The following GLG1 variants were observed in gnomAD, a reference collection of about 807,000 sequenced individuals.
The protein encoded by GLG1 is Golgi apparatus protein 1.
In GLG1, 38 loss-of-function variants were observed where a neutral mutation model predicts 160.5. The observed-to-expected ratio is 0.24, with a 90% CI of 0.18 to 0.31. The LOEUF (loss-of-function observed/expected upper bound fraction) is 0.31, where lower values mean the gene tolerates loss of function less well. Ranked by LOEUF, GLG1 falls within the 10% of genes least tolerant of loss-of-function variation. GLG1 has a pLI of 1.00. For synonymous variants in GLG1, 644 were observed against 543.4 expected (o/e 1.19, Z -2.57); for missense variants, 1,373 against 1,505.2 (o/e 0.91, Z 1.45).
chr16:74,537,406 T>C (rs1295051982), intron 1 of GLG1, among the ~76,000 whole-genome samples: 1 of 151,802 alleles, frequency 6.6e-6, no homozygotes, highest in East Asian at 1.9e-4. Flanking sequence ...AAAAGAACCC[T>C]GCCACTTTTC....
rs947192548 is a variant in GLG1 at position 74,474,570 on chromosome 16, G to C, written c.2028C>G (p.Gly676=). ...DLVVECRDIV[G]NLTELESEDI... is the part of the protein sequence containing the mutation. ...CCTCTGATTCTAACTCAGTGAGGTTGCCAACTATATCTCTACACTCCACCA... is the reference window on the plus strand; with the variant it reads ...CCTCTGATTCTAACTCAGTGAGGTTCCCAACTATATCTCTACACTCCACCA... Residue 676 remains glycine (G), a synonymous_variant, in exon 13 of 26, where the codon GGC becomes GGG. Transcript: ENST00000422840. 6 of 1,556,192 alleles carry C rather than the reference G, an allele frequency of 3.9e-6. No homozygotes were observed. In the Admixed American group the frequency reaches 1.0e-4, roughly 26 times the overall value.
In GLG1 at chr16:74,547,014, G is replaced by C. The variant is rs567735085; in HGVS notation, c.439-14861C>G. Among the ~76,000 whole-genome samples the C allele has an allele frequency of 1.7e-4, 26 of 152,212 alleles. 1 individual carries two copies. In the South Asian group the frequency reaches 5.4e-3, roughly 32 times the overall value. On this transcript the variant is annotated intron_variant, in intron 1 of 25. Transcript: ENST00000422840. ...AAATAATTTACTCAACTGGTTGCTAGAACTGTCCCCGCTTCCAGAACAAAG... is the reference window on the plus strand; with the variant it reads ...AAATAATTTACTCAACTGGTTGCTACAACTGTCCCCGCTTCCAGAACAAAG...
intron 2 of GLG1, among the ~76,000 whole-genome samples, chr16:74,525,322 C>A (rs1210226313): frequency 6.6e-6 from 1 of 152,212 alleles, no homozygotes; most frequent in Non-Finnish European, 1.5e-5. Context: ...TACACCCATC[C>A]TTCCTAATGA....
At chr16:74,601,665 C>T (rs1243838742) in intron 1 of GLG1, among the ~76,000 whole-genome samples, 4 of 152,128 alleles carry the variant, frequency 2.6e-5, no homozygotes, top group South Asian at 2.1e-4. Context: ...AGCAGAAATT[C>T]GGTTTATGAT....
Position 74,504,698 on chromosome 16 carries a change from T to C in GLG1, c.559-952A>G, listed in dbSNP as rs369992805. On this transcript the variant is annotated intron_variant, in intron 3 of 25. Transcript: ENST00000422840. ...GCTGTGGTCTGGGACACATGTGGTC[T>C]GGGAAACATGTTTAAAATAATGTTC... 9.2e-5 allele frequency among the ~76,000 whole-genome samples: 14 copies of C among 152,292 alleles called. No homozygotes were observed. In the South Asian group the frequency reaches 2.9e-3, roughly 32 times the overall value.
intron 8 of GLG1, among the ~76,000 whole-genome samples, chr16:74,489,592 C>T (rs1013064682): frequency 2.6e-5 from 4 of 152,126 alleles, no homozygotes; most frequent in Admixed American, 6.5e-5. Context: ...GTCCCAGGAC[C>T]CACACTGGCA....
chr16:74,511,180 TAGA>T (rs2016791950), intron 2 of GLG1, among the ~76,000 whole-genome samples: 2 of 152,082 alleles, frequency 1.3e-5, no homozygotes, highest in African/African-American at 4.8e-5. Context: ...ATCTGCTTTT[TAGA>T]AGGACAGAGG....
chr16:74,588,151 A>G (rs1177866589), intron 1 of GLG1, among the ~76,000 whole-genome samples: 1 of 152,154 alleles, frequency 6.6e-6, no homozygotes, highest in African/African-American at 2.4e-5. Flanking sequence ...GACAATAGCA[A>G]TCAATTTAAC....
intron 8 of GLG1, among the ~76,000 whole-genome samples, chr16:74,489,672 G>A (rs375674168): frequency 5.9e-5 from 9 of 152,116 alleles, no homozygotes; most frequent in Non-Finnish European, 1.2e-4. Flanking sequence ...AAATCAAACG[G>A]CAGATTCCAG....
chr16:74,502,038 G>T (rs9937559), intron 4 of GLG1, among the ~76,000 whole-genome samples: 143,727 of 152,284 alleles, frequency 0.94, 68,059 homozygotes, highest in East Asian at 1. Context: ...TCATTTGAAC[G>T]GTGTGCTCAG....
chr16:74,594,830 G>T (rs1414199698), intron 1 of GLG1, among the ~76,000 whole-genome samples: 1 of 152,064 alleles, frequency 6.6e-6, no homozygotes, highest in East Asian at 1.9e-4. Flanking sequence ...ACTTTGAAGG[G>T]GTAAATCCTC....
At chr16:74,482,349 C>A (rs541792539) in intron 10 of GLG1, among the ~76,000 whole-genome samples, 2 of 152,146 alleles carry the variant, frequency 1.3e-5, no homozygotes, top group African/African-American at 4.8e-5. Context: ...GCTTAACAAC[C>A]GAATGGAGAA....
chr16:74,521,609 G>C (rs939715593), intron 2 of GLG1, among the ~76,000 whole-genome samples: 1 of 152,122 alleles, frequency 6.6e-6, no homozygotes. Context: ...AGAAGGTTTA[G>C]GGGCAGAAAA....
chr16:74,562,063 C>T (rs1183423181), intron 1 of GLG1, among the ~76,000 whole-genome samples: 1 of 152,228 alleles, frequency 6.6e-6, no homozygotes, highest in Non-Finnish European at 1.5e-5. Context: ...TAAAAGCTTT[C>T]TCATGCAAGA....
At chr16:74,491,700 CGATCTCG>C (rs2015996806) in intron 7 of GLG1, among the ~76,000 whole-genome samples, 2 of 122,576 alleles carry the variant, frequency 1.6e-5, no homozygotes, top group Non-Finnish European at 3.4e-5. Flanking sequence ...GTGCAGCGCG[CGATCTCG>C]GCTCACTGCA....
intron 2 of GLG1, among the ~76,000 whole-genome samples, chr16:74,530,861 T>C (rs2017510075): frequency 2.6e-5 from 4 of 152,212 alleles, no homozygotes; most frequent in African/African-American, 7.2e-5. Flanking sequence ...TGAATTTTTA[T>C]GCTTTTGATT....
chr16:74,498,448 GTATA>G lies in GLG1; in HGVS notation c.775-1808_775-1805del, dbSNP rs61033032. Among the ~76,000 whole-genome samples, 13 of 24,038 alleles carry G rather than the reference GTATA, an allele frequency of 5.4e-4. 2 individuals are homozygous for G. The highest frequency in any genetic ancestry group is 4.3e-3 in the South Asian group (2 of 466). 15.8% of individuals were successfully genotyped at this position (24,038 alleles called of 152,430 possible). ...GGCTCTGTCTCAAAAAAAAAAAAAA[GTATA>G]TATATATATATATATTATATTTTAT... On this transcript the variant is annotated intron_variant, in intron 4 of 25. Coordinates refer to ENST00000422840, the MANE Select transcript of GLG1 (RefSeq NM_001145667.2).
At chr16:74,528,142 C>T (rs1004890665) in intron 2 of GLG1, among the ~76,000 whole-genome samples, 1 of 152,036 alleles carries the variant, frequency 6.6e-6, no homozygotes, top group African/African-American at 2.4e-5. Flanking sequence ...GCTGGGTTTA[C>T]AGGCGTGAGC....
At chr16:74,509,819 AGGATG>A (rs1325437560) in intron 2 of GLG1, among the ~76,000 whole-genome samples, 1 of 150,760 alleles carries the variant, frequency 6.6e-6, no homozygotes, top group African/African-American at 2.4e-5. Flanking sequence ...ACTGCACTCC[AGGATG>A]GGCAACAGAG....
Sources: allele counts gnomAD v4.1 joint callset (sites outside exome capture counted in the v4.1 genomes callset), GRCh38; gene constraint gnomAD v4.1.1; transcripts MANE v1.5; gene names NCBI Gene and HGNC (gene_info 2026-07-23, HGNC 2026-07-21).